The following FBXW7 variants were observed in gnomAD, a reference collection of about 807,000 sequenced individuals.
The protein encoded by FBXW7 is F-box/WD repeat-containing protein 7.
Under a neutral mutation model 86.3 loss-of-function variants are expected in FBXW7, and 11 were observed. That is an observed-to-expected ratio of 0.13 (90% confidence interval 0.08 to 0.21). FBXW7 has a LOEUF of 0.21. FBXW7 is among the 10% of genes least tolerant of loss of function. The pLI is 1.00. For missense variants in FBXW7, 488 were observed against 847.4 expected (o/e 0.58, Z 5.27); for synonymous variants, 313 against 297.9 (o/e 1.05, Z -0.52).
chr4:152,434,968 C>A (rs1037532898), intron 2 of FBXW7, among the ~76,000 whole-genome samples: 164 of 150,714 alleles, frequency 1.1e-3, no homozygotes, highest in Middle Eastern at 3.5e-3. Flanking sequence ...TCCCCCCCCC[C>A]CACACACAAG....
chr4:152,334,065 C>T (rs1180085689), intron 7 of FBXW7, among the ~76,000 whole-genome samples: 5 of 151,892 alleles, frequency 3.3e-5, no homozygotes, highest in African/African-American at 1.2e-4. Context: ...ACAACAACAA[C>T]AACAACAACA....
intron 2 of FBXW7, among the ~76,000 whole-genome samples, chr4:152,464,259 T>A (rs1743213098): frequency 6.6e-6 from 1 of 152,026 alleles, no homozygotes; most frequent in Non-Finnish European, 1.5e-5. Context: ...GGGAAGGAAG[T>A]AACGTACTTT....
chr4:152,415,405 T>C (rs1046923977), intron 2 of FBXW7, among the ~76,000 whole-genome samples: 2 of 152,070 alleles, frequency 1.3e-5, no homozygotes, highest in African/African-American at 4.8e-5. Flanking sequence ...AACAAGAAAG[T>C]AAACCAACTG....
At chr4:152,530,070 T>TACACACACACACAC (rs200498212) in intron 2 of FBXW7, among the ~76,000 whole-genome samples, 3 of 124,660 alleles carry the variant, frequency 2.4e-5, no homozygotes, top group African/African-American at 8.9e-5. Flanking sequence ...AAAAAAAAAA[T>TACACACACACACAC]ACACACACAC....
intron 2 of FBXW7, among the ~76,000 whole-genome samples, chr4:152,533,306 T>C (rs541927960): frequency 2.3e-4 from 35 of 152,310 alleles, no homozygotes; most frequent in Middle Eastern, 3.4e-3. Flanking sequence ...GTTTGTTTCT[T>C]AGTTTGTCCT....
intron 2 of FBXW7, among the ~76,000 whole-genome samples, chr4:152,435,279 A>T (rs1169617914): frequency 6.6e-6 from 1 of 152,136 alleles, no homozygotes; most frequent in Non-Finnish European, 1.5e-5. Flanking sequence ...TACTTCCTTG[A>T]TCCTTTCTTT....
chr4:152,360,617 G>C (rs1732843459), intron 4 of FBXW7, among the ~76,000 whole-genome samples: 1 of 151,860 alleles, frequency 6.6e-6, no homozygotes, highest in Non-Finnish European at 1.5e-5. Flanking sequence ...CTTTTCTAAA[G>C]AACAGACTTC....
Position 152,337,901 on chromosome 4 carries a change from A to G in FBXW7, c.762T>C (p.Asp254=). The part of the protein sequence containing the change: ...WSGPEKLLAL[D]ELIDSCEPTQ... ...TTGGTTCACAACTATCAATGAGTTCATCTAAAGCAAGCAATTTCTCTGGTC... is the reference window on the plus strand; with the variant it reads ...TTGGTTCACAACTATCAATGAGTTCGTCTAAAGCAAGCAATTTCTCTGGTC... The change falls in exon 7 of 14, where the codon GAT becomes GAC. Residue 254 remains aspartate, a synonymous_variant. Coordinates refer to ENST00000281708, the MANE Select transcript of FBXW7 (RefSeq NM_001349798.2). 6.2e-7 allele frequency: 1 copy of G among 1,612,630 alleles called. No individual in the cohort carries two copies.
chr4:152,418,016 T>C (rs2176325), intron 2 of FBXW7, among the ~76,000 whole-genome samples: 13 of 151,922 alleles, frequency 8.6e-5, no homozygotes, highest in Non-Finnish European at 1.8e-4. Context: ...GTGTTAAGAG[T>C]ACTGATATCA....
chr4:152,417,098 T>C (rs1738502024), intron 2 of FBXW7, among the ~76,000 whole-genome samples: 1 of 152,164 alleles, frequency 6.6e-6, no homozygotes, highest in Non-Finnish European at 1.5e-5. Flanking sequence ...CTTTGTTGTT[T>C]CGTTGAAAGT....
intron 2 of FBXW7, among the ~76,000 whole-genome samples, chr4:152,422,085 T>TA (rs937694294): frequency 1.1e-3 from 159 of 150,050 alleles, no homozygotes; most frequent in African/African-American, 3.6e-3. Context: ...TCAATTTGTT[T>TA]AAAAAAAAAA....
chr4:152,376,126 GT>G (rs1187538821), intron 4 of FBXW7, among the ~76,000 whole-genome samples: 3 of 152,016 alleles, frequency 2.0e-5, no homozygotes, highest in Non-Finnish European at 2.9e-5. Flanking sequence ...TTAGGACACT[GT>G]AAAGACAAGT....
chr4:152,451,938 T>C (rs1382414834), intron 2 of FBXW7, among the ~76,000 whole-genome samples: 1 of 152,174 alleles, frequency 6.6e-6, no homozygotes, highest in Non-Finnish European at 1.5e-5. Context: ...TGGGAGTTCC[T>C]GAGACACTTA....
chr4:152,422,597 A>T (rs1739041363), intron 2 of FBXW7, among the ~76,000 whole-genome samples: 2 of 152,178 alleles, frequency 1.3e-5, no homozygotes, highest in Admixed American at 6.5e-5. Context: ...AATCTTTTTT[A>T]AAAAACTACT....
chr4:152,327,348 TA>T (rs1474186696), intron 11 of FBXW7, among the ~76,000 whole-genome samples: 1 of 151,972 alleles, frequency 6.6e-6, no homozygotes, highest in Non-Finnish European at 1.5e-5. Flanking sequence ...TTGTTCTTAA[TA>T]AAGAAGATGC....
Position 152,322,164 on chromosome 4 carries a change from TA to T in FBXW7, c.*716del. Reference sequence around the variant, plus strand: ...AATCCCATATTTGAAGACCTACTTCTAGCACCAGCATCAAGAATTAAATCCA... The same window carrying T: ...AATCCCATATTTGAAGACCTACTTCTGCACCAGCATCAAGAATTAAATCCA... On this transcript the variant is annotated 3_prime_UTR_variant, in exon 14 of 14. Transcript: ENST00000281708. 4.3e-6 allele frequency: 1 copy of T among 233,402 alleles called. No homozygotes were observed. The highest frequency in any genetic ancestry group is 8.5e-6 in the Non-Finnish European group (1 of 117,870). The allele number at this position is 233,402 out of a possible 1,614,324, so 14.5% of individuals were successfully genotyped here.
At chr4:152,424,742 C>CA (rs1417025416) in intron 2 of FBXW7, among the ~76,000 whole-genome samples, 1 of 152,200 alleles carries the variant, frequency 6.6e-6, no homozygotes, top group Non-Finnish European at 1.5e-5. Flanking sequence ...TACATAGGGT[C>CA]AAAACCTCAA....
chr4:152,344,572 T>C (rs1578938627), intron 6 of FBXW7, among the ~76,000 whole-genome samples: 1 of 151,692 alleles, frequency 6.6e-6, no homozygotes, highest in East Asian at 1.9e-4. Flanking sequence ...GAAATTGGAA[T>C]GCATCTAAAA....
chr4:152,468,867 T>C (rs1244632233), intron 2 of FBXW7, among the ~76,000 whole-genome samples: 1 of 152,072 alleles, frequency 6.6e-6, no homozygotes, highest in African/African-American at 2.4e-5. Flanking sequence ...GACAATAAGT[T>C]ACTCTTTTGT....
Sources: gnomAD v4.1 joint callset for allele counts (sites outside exome capture counted in the v4.1 genomes callset) on GRCh38, gnomAD v4.1.1 for gene constraint, MANE v1.5 for transcripts, NCBI Gene and HGNC (gene_info 2026-07-23, HGNC 2026-07-21) for gene names.